The following KHDC1 variants were observed in gnomAD, a reference collection of about 807,000 sequenced individuals.
The protein encoded by KHDC1 is KH domain containing 1, also known as KH homology domain-containing protein 1.
In KHDC1, 21 loss-of-function variants were observed where a neutral mutation model predicts 24.7. The observed-to-expected ratio is 0.85, with a 90% CI of 0.60 to 1.23. KHDC1 has a LOEUF of 1.23. Ranked by LOEUF, KHDC1 falls within the 50% of genes most tolerant of loss-of-function variation. The probability of loss-of-function intolerance (pLI) is 0.00; values close to 1 mark genes in which losing one functional copy is unlikely to be tolerated. For missense variants in KHDC1, 274 were observed against 298.5 expected (o/e 0.92, Z 0.61); for synonymous variants, 98 against 111.7 (o/e 0.88, Z 0.77).
intron 2 of KHDC1, among the ~76,000 whole-genome samples, chr6:73,259,345 T>C (rs1270381882): frequency 7.2e-6 from 1 of 139,558 alleles, no homozygotes; most frequent in East Asian, 2.2e-4. Flanking sequence ...TGGAGTGCAG[T>C]GGCTATTCAT....
chr6:73,294,234 T>C (rs909255959), intron 1 of KHDC1, among the ~76,000 whole-genome samples: 1 of 152,148 alleles, frequency 6.6e-6, no homozygotes, highest in Non-Finnish European at 1.5e-5. Context: ...GATTTTGCTG[T>C]CTTGTTTCCT....
At chr6:73,255,337 A>G (rs905490321) in intron 2 of KHDC1, among the ~76,000 whole-genome samples, 2 of 148,504 alleles carry the variant, frequency 1.3e-5, no homozygotes, top group Admixed American at 6.8e-5. Flanking sequence ...CTCCCACCTC[A>G]GTCTCCCGAG....
intron 1 of KHDC1, chr6:73,293,370 C>G (rs1391973150): frequency 4.5e-6 from 2 of 441,504 alleles, no homozygotes; most frequent in East Asian, 5.4e-5. Flanking sequence ...TTGGAAACAA[C>G]ATATTGAGTG....
intron 2 of KHDC1, 49 bp downstream of exon 1, chr6:73,262,725 C>T (rs1262845496): frequency 9.1e-6 from 9 of 985,070 alleles, no homozygotes; most frequent in African/African-American, 1.7e-5. Flanking sequence ...GTAAGATATT[C>T]TTAGGATGAA....
At position 73,306,827 on chromosome 6, in the gene KHDC1, T is replaced by C. The variant is rs527958226; in HGVS notation, c.163+2725A>G. On this transcript the variant is annotated intron_variant, in intron 1 of 4. Transcript: ENST00000370384. Reference sequence around the variant, plus strand: ...ATCGAGACCATCCTGGCCAACACGGTGAAACCCCGTCTCTACTAAAAATAC... The same window carrying C: ...ATCGAGACCATCCTGGCCAACACGGCGAAACCCCGTCTCTACTAAAAATAC... 5.9e-5 allele frequency among the ~76,000 whole-genome samples: 9 copies of C among 152,140 alleles called. 1 individual carries two copies. The East Asian group carries it at 1.6e-3, about 26-fold the overall frequency.
chr6:73,276,497 A>T (rs1767302212), intron 2 of KHDC1: 1 of 48,734 alleles, frequency 2.1e-5, no homozygotes, highest in Non-Finnish European at 6.0e-5. Context: ...AAAAAAAGAA[A>T]AGTATTTAAA....
At chr6:73,268,566 G>A (rs35542640) in intron 2 of KHDC1, 11,546 of 152,144 alleles carry the variant, frequency 0.076, 486 homozygotes, top group Non-Finnish European at 0.091. Context: ...GCGCTGAATG[G>A]TGCGTTTACA....
chr6:73,273,419 C>T (rs186802973), intron 2 of KHDC1, among the ~76,000 whole-genome samples: 3 of 152,102 alleles, frequency 2.0e-5, no homozygotes, highest in Non-Finnish European at 2.9e-5. Flanking sequence ...CCCCCCGCCT[C>T]GGCCTCCCAA....
At chr6:73,266,541 C>CA (rs771861851) in intron 2 of KHDC1, among the ~76,000 whole-genome samples, 4 of 152,098 alleles carry the variant, frequency 2.6e-5, no homozygotes, top group Non-Finnish European at 5.9e-5. Flanking sequence ...ACAGTCTTTT[C>CA]AAAAAATGGT....
intron 2 of KHDC1, among the ~76,000 whole-genome samples, chr6:73,263,854 GGAA>G (rs1767032219): frequency 6.6e-6 from 1 of 152,198 alleles, no homozygotes; most frequent in African/African-American, 2.4e-5. Flanking sequence ...GGCAGTATTG[GGAA>G]GAAGATTCTT....
Position 73,241,511 on chromosome 6 carries a change from G to A in KHDC1, c.*18C>T, listed in dbSNP as rs528287481. 24 of 1,610,770 alleles carry A rather than the reference G, an allele frequency of 1.5e-5. No homozygotes were observed. In the South Asian group the frequency reaches 2.5e-4, roughly 17 times the overall value. On this transcript the variant is annotated 3_prime_UTR_variant, in exon 5 of 5. Transcript: ENST00000370384. ...TTTCTCCTCTCATCCCCACTTCCCA[G>A]GGGAGATCAGTCCTTAATTACGGAT...
intron 2 of KHDC1, 83 bp from the exon 1 acceptor site, chr6:73,263,279 A>G (rs866378804): frequency 3.5e-4 from 341 of 985,660 alleles, no homozygotes; most frequent in Admixed American, 1.3e-3. Context: ...TGTAGGAGAC[A>G]GCCTGCGGAG....
At chr6:73,281,728 A>G (rs1299837165) in intron 2 of KHDC1, among the ~76,000 whole-genome samples, 2 of 151,928 alleles carry the variant, frequency 1.3e-5, no homozygotes, top group Non-Finnish European at 2.9e-5. Context: ...ATCTTATATT[A>G]AAGCCCATAC....
chr6:73,292,841 T>C (rs560984862), intron 1 of KHDC1: 7 of 710,198 alleles, frequency 9.9e-6, no homozygotes, highest in South Asian at 7.0e-5. Flanking sequence ...TGAATGCTTA[T>C]AGATTAACTT....
intron 2 of KHDC1, among the ~76,000 whole-genome samples, chr6:73,265,327 T>C (rs4706533): frequency 0.28 from 41,842 of 151,646 alleles, 6,367 homozygotes; most frequent in African/African-American, 0.41. Flanking sequence ...GTCGGGAGTT[T>C]AAGATCAGCC....
chr6:73,262,908 C>T, intron 2 of KHDC1: 4 of 986,982 alleles, frequency 4.1e-6, no homozygotes, highest in Non-Finnish European at 4.8e-6. Flanking sequence ...GGAACCCAGG[C>T]TTCTCTGTCC....
intron 2 of KHDC1, among the ~76,000 whole-genome samples, chr6:73,252,986 G>A (rs1766808332): frequency 6.6e-6 from 1 of 152,022 alleles, no homozygotes; most frequent in Non-Finnish European, 1.5e-5. Context: ...TTTAAACTAT[G>A]TAAAAATTTT....
rs115475680 is a variant in KHDC1 at position 73,275,709 on chromosome 6, C to T, written c.206+16289G>A. On this transcript the variant is annotated intron_variant, in intron 2 of 4. Coordinates refer to ENST00000370384, the Ensembl canonical transcript of KHDC1. ...CCAGTGACATCTTTCCCCTCTCCCCCCAATCCCCTCCCAGCCTTGCCCCAT... is the reference window on the plus strand; with the variant it reads ...CCAGTGACATCTTTCCCCTCTCCCCTCAATCCCCTCCCAGCCTTGCCCCAT... 9.2e-3 allele frequency: 1,520 copies of T among 165,758 alleles called. 24 individuals are homozygous for T. Among genetic ancestry groups the T allele is most frequent in the African/African-American group, 0.034 (1,428 of 41,534 alleles). The allele number at this position is 165,758 out of a possible 1,614,324, so 10.3% of individuals were successfully genotyped here. A position where few individuals can be genotyped will look rare whatever the true frequency, so the allele number is the denominator to read the frequency against.
intron 2 of KHDC1, among the ~76,000 whole-genome samples, chr6:73,284,276 A>C (rs547418871): frequency 2.4e-4 from 37 of 152,244 alleles, no homozygotes; most frequent in Admixed American, 4.6e-4. Context: ...TGACTTCCTC[A>C]GTTTCTCTTA....
Sources: allele counts gnomAD v4.1 joint callset (sites outside exome capture counted in the v4.1 genomes callset), GRCh38; gene constraint gnomAD v4.1.1; transcripts MANE v1.5; gene names NCBI Gene and HGNC (gene_info 2026-07-23, HGNC 2026-07-21).